Variants in TM2D1 observed in about 807,000 individuals in gnomAD.
TM2D1 encodes the protein TM2 domain containing 1.
TM2D1 carries 15 observed loss-of-function variants against 28.4 expected under a neutral mutation model. The observed-to-expected ratio is 0.53, with a 90% CI of 0.35 to 0.81. The LOEUF is 0.81. Ranked by LOEUF, TM2D1 falls within the 40% of genes least tolerant of loss-of-function variation. The pLI, the probability that TM2D1 is intolerant of heterozygous loss-of-function variation, is 0.01. For missense variants in TM2D1, 236 were observed against 254.9 expected, an observed-to-expected ratio of 0.93 and a Z score of 0.50; for synonymous variants, 93 against 96.2, an observed-to-expected ratio of 0.97 and a Z score of 0.20.
intron 2 of TM2D1, among the ~76,000 whole-genome samples, chr1:61,714,895 T>C (rs1644505544): frequency 6.6e-6 from 1 of 152,188 alleles, no homozygotes; most frequent in Non-Finnish European, 1.5e-5. Flanking sequence ...TCTCATATTT[T>C]GAGAGTTTTA....
intron 5 of TM2D1, chr1:61,686,863 C>G: frequency 1.2e-5 from 11 of 945,532 alleles, no homozygotes; most frequent in Non-Finnish European, 1.4e-5. Context: ...TTCGAGGCTG[C>G]AATGAGTTAT....
chr1:61,710,463 CATATAT>C (rs1237520200), intron 2 of TM2D1, among the ~76,000 whole-genome samples: 3 of 78,822 alleles, frequency 3.8e-5, no homozygotes, highest in Non-Finnish European at 7.2e-5. Context: ...TATATATATA[CATATAT>C]ATATATACAC....
chr1:61,692,116 A>T (rs1644332599), intron 5 of TM2D1, among the ~76,000 whole-genome samples: 2 of 151,032 alleles, frequency 1.3e-5, no homozygotes, highest in Non-Finnish European at 2.9e-5. Context: ...GATTTTCTGG[A>T]CTGTATTCTA....
intron 2 of TM2D1, among the ~76,000 whole-genome samples, chr1:61,714,369 C>T (rs1024105432): frequency 3.9e-4 from 59 of 151,700 alleles, no homozygotes; most frequent in Admixed American, 2.4e-3. Context: ...GGTAAAACAC[C>T]GTCTCTACTA....
rs149311308 is a variant in TM2D1, at chr1:61,712,079, C to T, written c.239-2642G>A. On this transcript the variant is annotated intron_variant, in intron 2 of 6. Coordinates refer to ENST00000606498, the MANE Select transcript of TM2D1 (RefSeq NM_032027.3). ...GTAATTCTTAACTGGGGCATTTTTA[C>T]TCCCCAGAGGACATTTGGCAAGGTC... is the stretch of plus-strand genomic sequence containing the variant. Among the ~76,000 whole-genome samples, 479 of 152,076 alleles carry T rather than the reference C, an allele frequency of 3.1e-3. 1 individual carries two copies. The highest frequency in any genetic ancestry group is 6.9e-3 in the Admixed American group (106 of 15,266).
chr1:61,691,959 A>G (rs1211874265), intron 5 of TM2D1, among the ~76,000 whole-genome samples: 2 of 137,400 alleles, frequency 1.5e-5, no homozygotes, highest in African/African-American at 2.6e-5. Context: ...ATATATATAT[A>G]TGTATATATA....
chr1:61,691,223 T>C (rs1391109946), intron 5 of TM2D1, among the ~76,000 whole-genome samples: 1 of 152,114 alleles, frequency 6.6e-6, no homozygotes, highest in Non-Finnish European at 1.5e-5. Flanking sequence ...AGGCCAGGCA[T>C]GGTGGCTCAC....
At chr1:61,698,551 T>G (rs1570106118) in intron 4 of TM2D1, 1 of 116,980 alleles carries the variant, frequency 8.5e-6, no homozygotes, top group Non-Finnish European at 1.7e-5. Context: ...AGAGTGAAAC[T>G]CCGCCTAAAA....
chr1:61,721,641 A>G (rs886329363), intron 2 of TM2D1, among the ~76,000 whole-genome samples: 2 of 152,086 alleles, frequency 1.3e-5, no homozygotes, highest in Non-Finnish European at 2.9e-5. Flanking sequence ...AAGGAAAAAT[A>G]ATTTTGGCTG....
chr1:61,685,905 C>T (rs974828249), intron 5 of TM2D1, among the ~76,000 whole-genome samples: 2 of 152,062 alleles, frequency 1.3e-5, no homozygotes, highest in South Asian at 2.1e-4. Flanking sequence ...CTCAGCTACT[C>T]GAGAGGCTGA....
intron 2 of TM2D1, among the ~76,000 whole-genome samples, chr1:61,721,404 T>C (rs1345025095): frequency 6.6e-6 from 1 of 151,822 alleles, no homozygotes; most frequent in African/African-American, 2.4e-5. Context: ...TAGCTGGGCA[T>C]GGTGGTGCAC....
At chr1:61,720,618 C>T (rs1030060636) in intron 2 of TM2D1, among the ~76,000 whole-genome samples, 3 of 151,790 alleles carry the variant, frequency 2.0e-5, no homozygotes, top group East Asian at 1.9e-4. Flanking sequence ...ATGCCTGCCA[C>T]GTAATAATTT....
chr1:61,722,081 G>A (rs1021021118), intron 2 of TM2D1, among the ~76,000 whole-genome samples: 3 of 151,700 alleles, frequency 2.0e-5, no homozygotes, highest in African/African-American at 7.3e-5. Flanking sequence ...AGACCAGCCT[G>A]GGCAACATGA....
At chr1:61,691,093 C>T (rs1017757103) in intron 5 of TM2D1, among the ~76,000 whole-genome samples, 5 of 152,178 alleles carry the variant, frequency 3.3e-5, no homozygotes, top group African/African-American at 1.2e-4. Context: ...TCCATTTTCC[C>T]TCCACATATC....
intron 5 of TM2D1, among the ~76,000 whole-genome samples, chr1:61,689,871 T>C (rs1644311352): frequency 6.6e-6 from 1 of 152,208 alleles, no homozygotes; most frequent in South Asian, 2.1e-4. Context: ...AATTCAGGAA[T>C]TTAGCCCTAT....
intron 3 of TM2D1, among the ~76,000 whole-genome samples, chr1:61,706,732 G>A (rs973839851): frequency 5.3e-5 from 8 of 150,406 alleles, no homozygotes; most frequent in South Asian, 2.1e-4. Context: ...GCTTGAACCC[G>A]GGAAGGTTCA....
intron 2 of TM2D1, among the ~76,000 whole-genome samples, chr1:61,710,571 T>C (rs1644471691): frequency 6.8e-6 from 1 of 146,446 alleles, no homozygotes; most frequent in Admixed American, 6.9e-5. Context: ...TAAGAATATA[T>C]AAAAGTACCT....
Position 61,684,678 on chromosome 1 carries a change from ATT to A in TM2D1, c.514-1134_514-1133del, listed in dbSNP as rs1226721402. On this transcript the variant is annotated intron_variant, in intron 5 of 6. Coordinates refer to ENST00000606498, the MANE Select transcript of TM2D1 (RefSeq NM_032027.3). ...CTGTTTTGATCAACTGTGTATCATT[ATT>A]ATAACAAGTTGATCCAAACAAAAAA... Among the ~76,000 whole-genome samples, 34 of 18,258 alleles carry A rather than the reference ATT, an allele frequency of 1.9e-3. No individual in the cohort carries two copies. In the South Asian group the frequency reaches 0.069, roughly 37 times the overall value. The allele number at this position is 18,258 out of a possible 152,430, so 12.0% of individuals were successfully genotyped here.
chr1:61,722,381 G>T (rs774200065), intron 2 of TM2D1, among the ~76,000 whole-genome samples: 4 of 151,828 alleles, frequency 2.6e-5, no homozygotes, highest in African/African-American at 2.4e-5. Context: ...AACTTTTTCC[G>T]CCCCAGAGAC....
Sources: allele counts gnomAD v4.1 joint callset (sites outside exome capture counted in the v4.1 genomes callset), GRCh38; gene constraint gnomAD v4.1.1; transcripts MANE v1.5; gene names NCBI Gene and HGNC (gene_info 2026-07-23, HGNC 2026-07-21).